Variants in ERI1 observed in about 807,000 individuals in gnomAD.
ERI1 encodes the protein exoribonuclease 1.
ERI1 carries 39 observed loss-of-function variants against 39.7 expected under a neutral mutation model. The ratio of observed to expected loss-of-function variants is 0.98; its 90% CI spans 0.76 to 1.28. The LOEUF is 1.28. Ranked by LOEUF, ERI1 falls within the 50% of genes most tolerant of loss-of-function variation. ERI1 has a pLI of 0.00. For synonymous variants in ERI1, 204 were observed against 149.6 expected, an observed-to-expected ratio of 1.36 and a Z score of -2.65; for missense variants, 581 against 416.9, an observed-to-expected ratio of 1.39 and a Z score of -3.43.
At chr8:9,091,140 A>G (rs979341875) in intron 3 of ERI1, 6 of 152,238 alleles carry the variant, frequency 3.9e-5, no homozygotes, top group Admixed American at 1.3e-4. Flanking sequence ...AAGAACACCC[A>G]GAAATTGCAT....
chr8:9,078,355 A>G (rs752772816), intron 3 of ERI1, among the ~76,000 whole-genome samples: 1 of 151,166 alleles, frequency 6.6e-6, no homozygotes, highest in Non-Finnish European at 1.5e-5. Flanking sequence ...CTCATACAGT[A>G]TTTTTACAAA....
intron 3 of ERI1, among the ~76,000 whole-genome samples, chr8:9,070,145 A>C (rs947314507): frequency 1.3e-5 from 2 of 152,004 alleles, no homozygotes; most frequent in South Asian, 4.1e-4. Context: ...AGGCTGAGGC[A>C]GGAGAATCAC....
At chr8:9,043,367 G>C (rs1472617146) in intron 3 of ERI1, among the ~76,000 whole-genome samples, 1 of 152,162 alleles carries the variant, frequency 6.6e-6, no homozygotes, top group Non-Finnish European at 1.5e-5. Flanking sequence ...TGAATAATCA[G>C]AGCTGTGCCT....
At chr8:9,064,545 A>C (rs1005406486) in intron 3 of ERI1, among the ~76,000 whole-genome samples, 2 of 152,174 alleles carry the variant, frequency 1.3e-5, no homozygotes, top group African/African-American at 2.4e-5. Context: ...ATTGAAATTA[A>C]GAGAAGTGAG....
intron 3 of ERI1, among the ~76,000 whole-genome samples, chr8:9,084,566 C>T (rs1799468134): frequency 6.6e-6 from 1 of 152,162 alleles, no homozygotes; most frequent in South Asian, 2.1e-4. Flanking sequence ...GAAAGTCAGA[C>T]CTTCTTGCTG....
At chr8:9,023,579 C>T (rs1414062395) in intron 6 of ERI1, among the ~76,000 whole-genome samples, 1 of 151,864 alleles carries the variant, frequency 6.6e-6, no homozygotes, top group African/African-American at 2.4e-5. Flanking sequence ...AGTTTGTTAG[C>T]CTGCTCTTTT....
chr8:9,004,360 C>T (rs1815724461), intron 1 of ERI1: 5 of 939,648 alleles, frequency 5.3e-6, no homozygotes, highest in South Asian at 2.1e-5. Context: ...TTTGAATATG[C>T]TTCTTTATAT....
intron 3 of ERI1, among the ~76,000 whole-genome samples, chr8:9,067,529 C>A (rs1798918355): frequency 6.6e-6 from 1 of 151,888 alleles, no homozygotes; most frequent in African/African-American, 2.4e-5. Context: ...GTGGCATACA[C>A]CTATTGTCCT....
At chr8:9,015,582 C>A (rs1486825733) in intron 3 of ERI1, among the ~76,000 whole-genome samples, 1 of 151,758 alleles carries the variant, frequency 6.6e-6, no homozygotes, top group Non-Finnish European at 1.5e-5. Context: ...ATCAGCCAGG[C>A]GTGGTGGCAG....
chr8:9,086,569 A>C (rs966579017), intron 3 of ERI1, among the ~76,000 whole-genome samples: 1 of 152,198 alleles, frequency 6.6e-6, no homozygotes, highest in Non-Finnish European at 1.5e-5. Flanking sequence ...CGACCAACCA[A>C]TTCATTCTGT....
chr8:9,077,040 T>A (rs1799231195), intron 3 of ERI1, among the ~76,000 whole-genome samples: 1 of 152,262 alleles, frequency 6.6e-6, no homozygotes, highest in Non-Finnish European at 1.5e-5. Flanking sequence ...CCTTCCAATG[T>A]ACCTCATACG....
chr8:9,087,902 A>T (rs989904055), intron 3 of ERI1, among the ~76,000 whole-genome samples: 6 of 152,194 alleles, frequency 3.9e-5, no homozygotes, highest in African/African-American at 1.4e-4. Flanking sequence ...CCTGGAAGTG[A>T]GGGATTTCCC....
intron 3 of ERI1, among the ~76,000 whole-genome samples, chr8:9,052,317 CT>C (rs113459981): frequency 3.3e-4 from 49 of 148,178 alleles, no homozygotes; most frequent in East Asian, 1.4e-3. Flanking sequence ...ACTAGATATA[CT>C]TTTTTTTTTT....
chr8:9,045,717 C>T (rs1241757008), intron 3 of ERI1, among the ~76,000 whole-genome samples: 1 of 149,362 alleles, frequency 6.7e-6, no homozygotes. Flanking sequence ...CACTCTGTCA[C>T]CCAGGCTAGA....
chr8:9,071,548 C>T (rs147215322), intron 3 of ERI1, among the ~76,000 whole-genome samples: 4 of 152,318 alleles, frequency 2.6e-5, no homozygotes, highest in Middle Eastern at 3.4e-3. Context: ...TCCAGTTTTC[C>T]GTTTCCAGTT....
intron 6 of ERI1, among the ~76,000 whole-genome samples, chr8:9,022,214 C>T (rs1455586469): frequency 6.6e-6 from 1 of 152,054 alleles, no homozygotes; most frequent in Non-Finnish European, 1.5e-5. Flanking sequence ...GATACCATCT[C>T]ATTGAGGTAT....
At chr8:9,084,473 C>T (rs559224404) in intron 3 of ERI1, among the ~76,000 whole-genome samples, 4 of 152,250 alleles carry the variant, frequency 2.6e-5, no homozygotes, top group African/African-American at 9.6e-5. Flanking sequence ...TGTGTAGTTG[C>T]CTGCCTTCCC....
chr8:9,081,322 A>C (rs1280243332), intron 3 of ERI1, among the ~76,000 whole-genome samples: 2 of 152,238 alleles, frequency 1.3e-5, no homozygotes, highest in Non-Finnish European at 2.9e-5. Flanking sequence ...AATGGGAGAA[A>C]GGTGAGTGAG....
chr8:9,035,849 A>G (rs1032648132), downstream of ERI1, among the ~76,000 whole-genome samples: 1 of 152,242 alleles, frequency 6.6e-6, no homozygotes, highest in African/African-American at 2.4e-5. Context: ...TCTGAATGCC[A>G]TTACAAGCAT....
Sources: allele counts gnomAD v4.1 joint callset (sites outside exome capture counted in the v4.1 genomes callset), GRCh38; gene constraint gnomAD v4.1.1; transcripts MANE v1.5; gene names NCBI Gene and HGNC (gene_info 2026-07-23, HGNC 2026-07-21).